Variants in RABGAP1L observed in about 807,000 individuals in gnomAD.
RABGAP1L encodes RAB GTPase activating protein 1 like, also known as rab GTPase-activating protein 1-like.
RABGAP1L carries 63 observed loss-of-function variants against 137.7 expected under a neutral mutation model. That is an observed-to-expected ratio of 0.46 (90% confidence interval 0.37 to 0.56). The LOEUF is 0.56. Among genes scored for constraint, RABGAP1L ranks in the 20% least tolerant of loss-of-function variants. The probability of loss-of-function intolerance (pLI) is 0.00; values close to 1 mark genes in which losing one functional copy is unlikely to be tolerated. For synonymous variants in RABGAP1L, 431 were observed against 433.7 expected, an observed-to-expected ratio of 0.99 and a Z score of 0.08; for missense variants, 1,095 against 1,244.0, an observed-to-expected ratio of 0.88 and a Z score of 1.80.
At chr1:174,733,794 A>G (rs1426355044) in intron 17 of RABGAP1L, among the ~76,000 whole-genome samples, 1 of 152,188 alleles carries the variant, frequency 6.6e-6, no homozygotes. Context: ...CACTCCGGCT[A>G]CTGTCACTCT....
intron 13 of RABGAP1L, among the ~76,000 whole-genome samples, chr1:174,583,838 A>G (rs1223405405): frequency 6.6e-6 from 1 of 152,230 alleles, no homozygotes; most frequent in East Asian, 1.9e-4. Context: ...AGGTGCTATG[A>G]TTGGTATAGA....
At chr1:174,750,027 G>A (rs535100029) in intron 17 of RABGAP1L, among the ~76,000 whole-genome samples, 9 of 152,008 alleles carry the variant, frequency 5.9e-5, no homozygotes, top group African/African-American at 7.2e-5. Flanking sequence ...CTGCCACCAC[G>A]CCCGGCTAAT....
intron 1 of RABGAP1L, among the ~76,000 whole-genome samples, chr1:174,210,719 G>T (rs1165743078): frequency 6.6e-6 from 1 of 152,082 alleles, no homozygotes; most frequent in Admixed American, 6.6e-5. Flanking sequence ...TCTACAGAAA[G>T]ATATCAATAT....
chr1:174,543,238 T>G (rs936059975), intron 13 of RABGAP1L, among the ~76,000 whole-genome samples: 1 of 152,200 alleles, frequency 6.6e-6, no homozygotes, highest in Non-Finnish European at 1.5e-5. Flanking sequence ...TAAGTCTCTT[T>G]GTAGGTCACT....
chr1:174,335,625 T>A (rs1053218763), intron 11 of RABGAP1L, among the ~76,000 whole-genome samples: 15 of 152,346 alleles, frequency 9.8e-5, no homozygotes, highest in South Asian at 2.1e-4. Context: ...GTTAGAGAGC[T>A]ACTTGGTTTT....
At chr1:174,495,260 A>G (rs1368043065) in intron 13 of RABGAP1L, among the ~76,000 whole-genome samples, 1 of 152,288 alleles carries the variant, frequency 6.6e-6, no homozygotes, top group East Asian at 1.9e-4. Flanking sequence ...AAAGTCAGAG[A>G]GTGAAATTTA....
At chr1:174,800,410 C>G (rs1056146500) in intron 18 of RABGAP1L, 18 of 1,550,652 alleles carry the variant, frequency 1.2e-5, no homozygotes, top group Non-Finnish European at 1.4e-5. Flanking sequence ...ACATGCACGA[C>G]GAGAGGAGCA....
rs147702633 is a variant in RABGAP1L at position 174,253,020 on chromosome 1, A to G, written c.986+430A>G. 1.3e-3 allele frequency among the ~76,000 whole-genome samples: 196 copies of G among 152,356 alleles called. 1 individual carries two copies. Among genetic ancestry groups the G allele is most frequent in the African/African-American group, 4.6e-3 (192 of 41,582 alleles). On this transcript the variant is annotated intron_variant, in intron 7 of 25. Transcript: ENST00000681986. Reference sequence around the variant, plus strand: ...CAATTCACAGGAAAACTATTCAGAAAACAAAGGAATGGTAGGACAAAAGAT... The same window carrying G: ...CAATTCACAGGAAAACTATTCAGAAGACAAAGGAATGGTAGGACAAAAGAT...
intron 10 of RABGAP1L, among the ~76,000 whole-genome samples, chr1:174,281,312 T>C (rs563725974): frequency 6.6e-6 from 1 of 152,326 alleles, no homozygotes; most frequent in East Asian, 1.9e-4. Context: ...AGAGCGCTGA[T>C]TGGTCCATTT....
intron 15 of RABGAP1L, among the ~76,000 whole-genome samples, chr1:174,695,848 A>G (rs1001485674): frequency 1.3e-5 from 2 of 152,188 alleles, no homozygotes; most frequent in East Asian, 1.9e-4. Context: ...TAATGCTGCA[A>G]TTTTTGCAGA....
chr1:174,942,154 T>C (rs1665992892), intron 19 of RABGAP1L, among the ~76,000 whole-genome samples: 1 of 152,200 alleles, frequency 6.6e-6, no homozygotes, highest in Middle Eastern at 3.2e-3. Context: ...ATGGCTCTAG[T>C]TAGCCATTAG....
intron 13 of RABGAP1L, among the ~76,000 whole-genome samples, chr1:174,588,570 A>C (rs1461876012): frequency 1.3e-5 from 2 of 152,074 alleles, no homozygotes; most frequent in East Asian, 3.9e-4. Context: ...ATATTTTTGT[A>C]CCCATTAAAC....
At chr1:174,393,213 T>C (rs1268588759) in intron 12 of RABGAP1L, among the ~76,000 whole-genome samples, 6 of 152,108 alleles carry the variant, frequency 3.9e-5, no homozygotes, top group Non-Finnish European at 7.4e-5. Context: ...TTCTGGTGAT[T>C]GTAGGAAAGG....
At chr1:174,911,205 GAC>G (rs1172723586) in intron 19 of RABGAP1L, among the ~76,000 whole-genome samples, 6 of 152,026 alleles carry the variant, frequency 3.9e-5, no homozygotes, top group African/African-American at 7.2e-5. Context: ...TCAGCTATAT[GAC>G]ACAGATATTT....
Position 174,847,703 on chromosome 1 carries a change from G to A in RABGAP1L, c.2340+35743G>A, listed in dbSNP as rs565361795. On this transcript the variant is annotated intron_variant, in intron 19 of 25. Coordinates refer to ENST00000681986, the MANE Select transcript of RABGAP1L (RefSeq NM_001366446.1). ...ACTTTGGTGAATCTGACAATTATGT[G>A]TCTTGGAGTTGCTCTTCTCGAGGAT... is the stretch of plus-strand genomic sequence containing the variant. Among the ~76,000 whole-genome samples the A allele has an allele frequency of 1.5e-4, 20 of 130,206 alleles. No individual in the cohort carries two copies. In the South Asian group the frequency reaches 5.5e-3, roughly 36 times the overall value. 85.4% of individuals were successfully genotyped at this position (130,206 alleles called of 152,430 possible).
intron 19 of RABGAP1L, among the ~76,000 whole-genome samples, chr1:174,896,158 CATT>C (rs1355841235): frequency 2.0e-5 from 3 of 152,182 alleles, no homozygotes; most frequent in African/African-American, 7.2e-5. Context: ...GATGGTATCT[CATT>C]GTGGTTTTGG....
intron 13 of RABGAP1L, among the ~76,000 whole-genome samples, chr1:174,511,675 C>G (rs535975598): frequency 4.0e-5 from 6 of 149,942 alleles, no homozygotes; most frequent in African/African-American, 1.5e-4. Flanking sequence ...CAGGCTGGAG[C>G]GCAATGGCGT....
chr1:174,541,741 A>C (rs1470770131), intron 13 of RABGAP1L, among the ~76,000 whole-genome samples: 1 of 151,686 alleles, frequency 6.6e-6, no homozygotes, highest in African/African-American at 2.4e-5. Flanking sequence ...ATGCCACTGC[A>C]CTCCAGCCTG....
At chr1:174,506,432 A>T (rs1022273007) in intron 13 of RABGAP1L, among the ~76,000 whole-genome samples, 2 of 152,218 alleles carry the variant, frequency 1.3e-5, no homozygotes, top group Non-Finnish European at 2.9e-5. Context: ...AAACAAATTT[A>T]AAAAATCAGG....
Sources: gnomAD v4.1 joint callset for allele counts (sites outside exome capture counted in the v4.1 genomes callset) on GRCh38, gnomAD v4.1.1 for gene constraint, MANE v1.5 for transcripts, NCBI Gene and HGNC (gene_info 2026-07-23, HGNC 2026-07-21) for gene names.